Variants in C5orf58 observed in about 807,000 individuals in gnomAD.
C5orf58 encodes the protein putative uncharacterized protein C5orf58.
A neutral mutation model predicts 2.9 loss-of-function variants in C5orf58; 2 were observed. The observed-to-expected ratio is 0.69, with a 90% CI of 0.28 to 2.18. The LOEUF (loss-of-function observed/expected upper bound fraction) is 2.18, where lower values mean the gene tolerates loss of function less well. Among genes scored for constraint, C5orf58 ranks in the 30% most tolerant of loss-of-function variants. The pLI, the probability that C5orf58 is intolerant of heterozygous loss-of-function variation, is 0.13. For missense variants in C5orf58, 96 were observed against 91.7 expected (o/e 1.05, Z -0.19); for synonymous variants, 37 against 33.4 (o/e 1.11, Z -0.37).
At chr5:170,248,637 G>GAT, downstream of C5orf58, 1 of 1,597,400 alleles carries the variant, frequency 6.3e-7, no homozygotes, top group Non-Finnish European at 8.6e-7. Context: ...GACCAAGGCT[G>GAT]ATTGATCTCG....
At chr5:170,243,327 T>C (rs1188996789) in intron 3 of C5orf58, among the ~76,000 whole-genome samples, 1 of 128,586 alleles carries the variant, frequency 7.8e-6, no homozygotes, top group East Asian at 2.2e-4. Context: ...AATTCCTGGG[T>C]ATCCTTGTTG....
chr5:170,236,695 C>T (rs1287414966), intron 3 of C5orf58, among the ~76,000 whole-genome samples: 1 of 152,176 alleles, frequency 6.6e-6, no homozygotes, highest in African/African-American at 2.4e-5. Flanking sequence ...TTGCATATCT[C>T]CACAAGTGCT....
downstream of C5orf58, chr5:170,248,793 A>T: frequency 6.2e-7 from 1 of 1,612,704 alleles, no homozygotes; most frequent in Non-Finnish European, 8.5e-7. Context: ...TGAAGTAGTC[A>T]ATAATATCTG....
intron 3 of C5orf58, among the ~76,000 whole-genome samples, chr5:170,235,969 C>G (rs1760725391): frequency 1.3e-5 from 2 of 152,168 alleles, no homozygotes; most frequent in Admixed American, 6.5e-5. Flanking sequence ...CATGTTCACT[C>G]TCTTTATTAC....
downstream of C5orf58, among the ~76,000 whole-genome samples, chr5:170,249,091 G>A (rs1004056821): frequency 6.6e-6 from 1 of 152,282 alleles, no homozygotes; most frequent in Admixed American, 6.5e-5. Context: ...GGAGGCTAAG[G>A]CCGGTGGATC....
intron 2 of C5orf58, chr5:170,251,239 C>G (rs1761434438): frequency 9.3e-6 from 2 of 214,176 alleles, no homozygotes; most frequent in Admixed American, 5.4e-5. Flanking sequence ...TTGGTTAACT[C>G]AAGATATATC....
At position 170,235,083 on chromosome 5, in the gene C5orf58, T is replaced by C. The variant is rs1760688252; in HGVS notation, c.94+13T>C. The stretch of plus-strand genomic sequence containing the variant: ...AAGAAGATAAAAGGTAAGTATTGAA[T>C]CACTAAAATGTTTGCATGTCATTGT... On this transcript the variant is annotated intron_variant, in intron 3 of 3. Coordinates refer to ENST00000593851, the MANE Select transcript of C5orf58 (RefSeq NM_001102609.3). The C allele has an allele frequency of 7.9e-7, 1 of 1,261,952 alleles. No individual in the cohort carries two copies. Among genetic ancestry groups the C allele is most frequent in the Non-Finnish European group, 1.1e-6 (1 of 886,758 alleles). 78.2% of individuals were successfully genotyped at this position (1,261,952 alleles called of 1,614,324 possible). A position where few individuals can be genotyped will look rare whatever the true frequency, so the allele number is the denominator to read the frequency against.
chr5:170,243,007 C>G lies in C5orf58; in HGVS notation c.95-2955C>G, dbSNP rs1361051180. Among the ~76,000 whole-genome samples the G allele has an allele frequency of 2.8e-5, 4 of 143,244 alleles. No homozygotes were observed. The East Asian group carries it at 8.4e-4, about 30-fold the overall frequency. The allele number at this position is 143,244 out of a possible 152,430, so 94.0% of individuals were successfully genotyped here. ...TGTTCTCGTTGGTTTCAAAGAACAT[C>G]TTTATTTCTGCCTTCATTTCGTTAT... is the stretch of plus-strand genomic sequence containing the variant. On this transcript the variant is annotated intron_variant, in intron 3 of 3. Coordinates refer to ENST00000593851, the MANE Select transcript of C5orf58 (RefSeq NM_001102609.3).
chr5:170,234,061 G>T (rs778767168), intron 1 of C5orf58, 54 bp from the exon 2 acceptor site: 29 of 1,079,086 alleles, frequency 2.7e-5, no homozygotes, highest in East Asian at 1.5e-4. Flanking sequence ...GGAGAATGGG[G>T]TCTTGGGGGT....
Position 170,234,162 on chromosome 5 carries a change from T to C in C5orf58, c.-37T>C. ...TGAGAGAAATTGCAGAAATTCTCCC[T>C]GCTCAGGAAAAGGTAGAGGCAAGGA... On this transcript the variant is annotated 5_prime_UTR_variant, in exon 2 of 4. Transcript: ENST00000593851. 7.3e-7 allele frequency: 1 copy of C among 1,367,670 alleles called. No homozygotes were observed. Among genetic ancestry groups the C allele is most frequent in the Non-Finnish European group, 9.8e-7 (1 of 1,021,808 alleles). The allele number at this position is 1,367,670 out of a possible 1,614,324, so 84.7% of individuals were successfully genotyped here. A position where few individuals can be genotyped will look rare whatever the true frequency, so the allele number is the denominator to read the frequency against.
intron 3 of C5orf58, among the ~76,000 whole-genome samples, chr5:170,242,884 G>A (rs901974115): frequency 2.0e-5 from 3 of 146,552 alleles, no homozygotes; most frequent in African/African-American, 7.6e-5. Context: ...TGTCAATTTT[G>A]GATCTTTCCT....
At chr5:170,234,879 G>T in intron 2 of C5orf58, 98 bp from the exon 3 acceptor site, 1 of 544,038 alleles carries the variant, frequency 1.8e-6, no homozygotes, top group South Asian at 2.8e-5. Flanking sequence ...AATTATTTCT[G>T]AAATAACAGA....
downstream of C5orf58, chr5:170,252,534 A>C (rs1189835587): frequency 1.6e-6 from 2 of 1,267,900 alleles, no homozygotes; most frequent in East Asian, 2.4e-5. Context: ...ATTTTTAGAA[A>C]CTGAATAAAT....
At chr5:170,244,660 T>G (rs1761174054) in intron 3 of C5orf58, among the ~76,000 whole-genome samples, 1 of 151,614 alleles carries the variant, frequency 6.6e-6, no homozygotes, top group Non-Finnish European at 1.5e-5. Flanking sequence ...CTGTATTGGT[T>G]ATTCTAGTTA....
chr5:170,248,542 A>T, downstream of C5orf58: 1 of 758,360 alleles, frequency 1.3e-6, no homozygotes, highest in Non-Finnish European at 2.2e-6. Context: ...GACAGTCTTC[A>T]TTTCAAACAC....
downstream of C5orf58, among the ~76,000 whole-genome samples, chr5:170,249,290 C>T (rs913142361): frequency 6.6e-6 from 1 of 150,938 alleles, no homozygotes; most frequent in Non-Finnish European, 1.5e-5. Flanking sequence ...GCGCCATTGC[C>T]GCACTCCAGC....
In C5orf58 at chr5:170,233,003, GC is replaced by G; in HGVS notation, c.-87del. The G allele has an allele frequency of 1.0e-6, 1 of 984,454 alleles. No individual in the cohort carries two copies. The highest frequency in any genetic ancestry group is 1.2e-6 in the Non-Finnish European group (1 of 829,024). The allele number at this position is 984,454 out of a possible 1,614,324, so 61.0% of individuals were successfully genotyped here. On this transcript the variant is annotated 5_prime_UTR_variant, in exon 1 of 4. Transcript: ENST00000593851. ...CCTGTCAGAACCTCGGTGACGGTTG[GC>G]CAGGTGGGTAGTGACGGCTGCTCGG...
intron 3 of C5orf58, among the ~76,000 whole-genome samples, chr5:170,238,664 A>G (rs1363591635): frequency 1.3e-5 from 2 of 152,232 alleles, no homozygotes; most frequent in African/African-American, 4.8e-5. Flanking sequence ...GTCTACTGAG[A>G]GAACAAAAAG....
At chr5:170,248,393 A>G (rs1761347543), downstream of C5orf58, 1 of 256,762 alleles carries the variant, frequency 3.9e-6, no homozygotes, top group Admixed American at 5.8e-5. Context: ...GTAGCTGTGT[A>G]AACTACTGTA....
Sources: allele counts gnomAD v4.1 joint callset (sites outside exome capture counted in the v4.1 genomes callset), GRCh38; gene constraint gnomAD v4.1.1; transcripts MANE v1.5; gene names NCBI Gene and HGNC (gene_info 2026-07-23, HGNC 2026-07-21).